The following DMD variants were observed in gnomAD, a reference collection of about 807,000 sequenced individuals.
DMD encodes dystrophin, also known as mutant dystrophin.
A neutral mutation model predicts 330.1 loss-of-function variants in DMD; 63 were observed. The ratio of observed to expected loss-of-function variants is 0.19; its 90% CI spans 0.16 to 0.24. The LOEUF (loss-of-function observed/expected upper bound fraction) is 0.24, where lower values mean the gene tolerates loss of function less well. Among genes scored for constraint, DMD ranks in the 10% least tolerant of loss-of-function variants. The probability of loss-of-function intolerance (pLI) is 1.00; values close to 1 mark genes in which losing one functional copy is unlikely to be tolerated. For missense variants in DMD, 3,344 were observed against 2,684.1 expected, an observed-to-expected ratio of 1.25 and a Z score of -5.43; for synonymous variants, 1,223 against 959.8, an observed-to-expected ratio of 1.27 and a Z score of -5.07.
intron 43 of DMD, among the ~76,000 whole-genome samples, chrX:32,230,302 C>T (rs757682549): frequency 7.1e-5 from 8 of 112,092 alleles, no homozygotes; most frequent in East Asian, 5.6e-4. Flanking sequence ...TGGAGTGCAG[C>T]GGCGCGATCT....
At chrX:32,604,925 T>A (rs2056559355) in intron 12 of DMD, among the ~76,000 whole-genome samples, 1 of 110,404 alleles carries the variant, frequency 9.1e-6, no homozygotes, top group Non-Finnish European at 1.9e-5. Context: ...ATGGAAAAAC[T>A]TTCCCTGCTC....
At chrX:31,277,147 A>G (rs1190417270) in intron 62 of DMD, among the ~76,000 whole-genome samples, 1 of 111,701 alleles carries the variant, frequency 9.0e-6, no homozygotes, top group Non-Finnish European at 1.9e-5. Flanking sequence ...GCTAAGTAAC[A>G]TATGCATTAC....
At chrX:32,320,425 T>C (rs1337356532) in intron 41 of DMD, among the ~76,000 whole-genome samples, 1 of 111,663 alleles carries the variant, frequency 9.0e-6, no homozygotes, top group African/African-American at 3.2e-5. Context: ...TAAAAGCAAA[T>C]ACAATTAAAA....
At chrX:31,388,528 T>C (rs1569536795) in intron 60 of DMD, among the ~76,000 whole-genome samples, 1 of 111,942 alleles carries the variant, frequency 8.9e-6, no homozygotes, top group Non-Finnish European at 1.9e-5. Flanking sequence ...ACAGAATTAT[T>C]AGATAATTAA....
intron 57 of DMD, among the ~76,000 whole-genome samples, chrX:31,491,076 T>C (rs1447356742): frequency 1.8e-5 from 2 of 112,500 alleles, no homozygotes; most frequent in Non-Finnish European, 3.8e-5. Flanking sequence ...TCGGGAAGCT[T>C]TGAAGGTATC....
At chrX:33,004,876 G>A (rs1429976618) in intron 2 of DMD, among the ~76,000 whole-genome samples, 1 of 110,978 alleles carries the variant, frequency 9.0e-6, no homozygotes, top group African/African-American at 3.3e-5. Flanking sequence ...TGCTATTGTT[G>A]CAAATGGGTG....
At chrX:31,215,831 T>C (rs970350656) in intron 64 of DMD, among the ~76,000 whole-genome samples, 3 of 112,473 alleles carry the variant, frequency 2.7e-5, no homozygotes, top group African/African-American at 9.7e-5. Flanking sequence ...CAGTGACAGA[T>C]ATTTAAGTTG....
chrX:33,293,666 C>T (rs1207511146), intron 1 of DMD, among the ~76,000 whole-genome samples: 1 of 111,325 alleles, frequency 9.0e-6, no homozygotes, highest in Non-Finnish European at 1.9e-5. Context: ...TCTCTCGATA[C>T]CTGCCTCTAG....
Position 32,092,520 on chromosome X carries a change from G to C in DMD, c.6439-124006C>G, listed in dbSNP as rs929955064. Among the ~76,000 whole-genome samples the C allele has an allele frequency of 1.8e-4, 20 of 110,822 alleles. 1 individual carries two copies. The highest frequency in any genetic ancestry group is 5.7e-5 in the Non-Finnish European group (3 of 52,915). On this transcript the variant is annotated intron_variant, in intron 44 of 78. Coordinates refer to ENST00000357033, the MANE Select transcript of DMD (RefSeq NM_004006.3). ...GGTATTTCTATTTTAAATAGTGCAG[G>C]GGCTGGGCTATGAGATTTTCATATG...
chrX:32,648,812 T>G (rs915596044), intron 9 of DMD, among the ~76,000 whole-genome samples: 1 of 111,926 alleles, frequency 8.9e-6, no homozygotes, highest in African/African-American at 3.3e-5. Flanking sequence ...AATATGTTTT[T>G]ATCATCACAG....
At chrX:32,464,932 T>C (rs1239575602) in intron 23 of DMD, among the ~76,000 whole-genome samples, 6 of 111,943 alleles carry the variant, frequency 5.4e-5, no homozygotes, top group Non-Finnish European at 3.8e-5. Flanking sequence ...TACTACCAAA[T>C]GTGGTTTTAT....
intron 9 of DMD, among the ~76,000 whole-genome samples, chrX:32,649,097 G>A (rs1430020556): frequency 2.7e-5 from 3 of 109,823 alleles, no homozygotes; most frequent in Non-Finnish European, 3.8e-5. Context: ...GACAGTGAAT[G>A]GATGAAACGA....
intron 27 of DMD, among the ~76,000 whole-genome samples, chrX:32,441,650 A>C (rs2098281906): frequency 8.9e-6 from 1 of 111,736 alleles, no homozygotes; most frequent in African/African-American, 3.2e-5. Flanking sequence ...ACTCCCTCAC[A>C]CATCACTGTT....
chrX:31,338,367 G>A (rs999945911), intron 61 of DMD, among the ~76,000 whole-genome samples: 8 of 107,574 alleles, frequency 7.4e-5, no homozygotes, highest in South Asian at 4.2e-4. Flanking sequence ...TCGGGAGGCT[G>A]AGGCAGGAGA....
chrX:32,546,270 C>A (rs1316776280), intron 16 of DMD, among the ~76,000 whole-genome samples: 1 of 107,621 alleles, frequency 9.3e-6, no homozygotes, highest in Non-Finnish European at 1.9e-5. Flanking sequence ...GGATGGTAAT[C>A]ATTATCCTTC....
intron 1 of DMD, among the ~76,000 whole-genome samples, chrX:33,146,461 C>A (rs1375207829): frequency 9.0e-6 from 1 of 111,650 alleles, no homozygotes; most frequent in East Asian, 2.8e-4. Flanking sequence ...CTTTATATTT[C>A]TTCATGCTTT....
chrX:33,008,835 T>TACAC (rs2093461518), intron 2 of DMD, among the ~76,000 whole-genome samples: 1 of 44,351 alleles, frequency 2.3e-5, no homozygotes, highest in African/African-American at 1.0e-4. Context: ...TACGTATATA[T>TACAC]ATACACATAT....
intron 32 of DMD, among the ~76,000 whole-genome samples, chrX:32,388,292 C>T (rs1395701311): frequency 9.7e-6 from 1 of 103,606 alleles, no homozygotes; most frequent in Non-Finnish European, 1.9e-5. Flanking sequence ...AAAGTGCTCA[C>T]TTTGCAAATA....
chrX:32,496,617 G>A (rs1192971473), intron 19 of DMD, among the ~76,000 whole-genome samples: 1 of 112,167 alleles, frequency 8.9e-6, no homozygotes, highest in East Asian at 2.8e-4. Flanking sequence ...CAACAACAGT[G>A]ACAACAACAG....
Sources: gnomAD v4.1 joint callset for allele counts (sites outside exome capture counted in the v4.1 genomes callset) on GRCh38, gnomAD v4.1.1 for gene constraint, MANE v1.5 for transcripts, NCBI Gene and HGNC (gene_info 2026-07-23, HGNC 2026-07-21) for gene names.